CEP128: variants seen among roughly 807,000 people sequenced by gnomAD.
CEP128 encodes the protein centrosomal protein 128, also known as centrosomal protein 128kDa.
In CEP128, 132 loss-of-function variants were observed where a neutral mutation model predicts 156.7. That is an observed-to-expected ratio of 0.84 (90% CI 0.73 to 0.97). The LOEUF (loss-of-function observed/expected upper bound fraction) is 0.97, where lower values mean the gene tolerates loss of function less well. CEP128 is among the 50% of genes least tolerant of loss of function. CEP128 has a pLI of 0.00. For synonymous variants in CEP128, 469 were observed against 448.9 expected, an observed-to-expected ratio of 1.04 and a Z score of -0.57; for missense variants, 1,252 against 1,281.9, an observed-to-expected ratio of 0.98 and a Z score of 0.36.
At chr14:80,523,134 T>C (rs1216846625) in intron 23 of CEP128, among the ~76,000 whole-genome samples, 1 of 152,206 alleles carries the variant, frequency 6.6e-6, no homozygotes, top group Non-Finnish European at 1.5e-5. Context: ...TGTGGTCATG[T>C]TGGATGTTTC....
At chr14:80,876,405 G>C (rs1888284777) in intron 8 of CEP128, among the ~76,000 whole-genome samples, 1 of 152,044 alleles carries the variant, frequency 6.6e-6, no homozygotes, top group Non-Finnish European at 1.5e-5. Flanking sequence ...AGACCATCCT[G>C]GCTAACATGA....
chr14:80,687,252 G>A (rs1302504451), intron 19 of CEP128, among the ~76,000 whole-genome samples: 1 of 151,894 alleles, frequency 6.6e-6, no homozygotes, highest in African/African-American at 2.4e-5. Flanking sequence ...ATCAACAAAT[G>A]GTTCTACCAA....
chr14:80,534,102 T>C (rs1471743598), intron 21 of CEP128, among the ~76,000 whole-genome samples: 3 of 152,130 alleles, frequency 2.0e-5, no homozygotes, highest in Non-Finnish European at 2.9e-5. Context: ...AATTTCATGA[T>C]TAAGTGATAT....
intron 16 of CEP128, among the ~76,000 whole-genome samples, chr14:80,775,911 C>T (rs555597210): frequency 1.3e-5 from 2 of 152,130 alleles, no homozygotes; most frequent in Admixed American, 6.5e-5. Context: ...CGGCTCGCTG[C>T]GACTTTCCGC....
At position 80,632,686 on chromosome 14, in the gene CEP128, G is replaced by A. The variant is rs576717471; in HGVS notation, c.2807-52263C>T. Among the ~76,000 whole-genome samples the A allele has an allele frequency of 2.6e-5, 4 of 151,974 alleles. 1 individual carries two copies. Among genetic ancestry groups the A allele is most frequent in the African/African-American group, 9.6e-5 (4 of 41,454 alleles). ...TCTATTCTTCCATGAATGGGCATGT[G>A]GGTCATTTCCAATTACTCTGCAATT... On this transcript the variant is annotated intron_variant, in intron 19 of 24. Coordinates refer to ENST00000555265, the MANE Select transcript of CEP128 (RefSeq NM_152446.5).
intron 22 of CEP128, among the ~76,000 whole-genome samples, chr14:80,527,975 T>C (rs1940954947): frequency 6.6e-6 from 1 of 151,918 alleles, no homozygotes; most frequent in Admixed American, 6.6e-5. Flanking sequence ...AGGGAGAAAT[T>C]AGAAAAACAA....
intron 9 of CEP128, among the ~76,000 whole-genome samples, chr14:80,842,887 GCAA>G (rs1886409927): frequency 6.6e-6 from 1 of 151,932 alleles, no homozygotes; most frequent in South Asian, 2.1e-4. Context: ...GAAGATCACA[GCAA>G]CAACAATGAG....
intron 13 of CEP128, among the ~76,000 whole-genome samples, chr14:80,803,119 T>C (rs1373060608): frequency 6.6e-6 from 1 of 152,212 alleles, no homozygotes; most frequent in Non-Finnish European, 1.5e-5. Context: ...AGATAGCATA[T>C]TTCTGTGTTC....
chr14:80,657,710 T>G (rs995354022), intron 19 of CEP128, among the ~76,000 whole-genome samples: 3 of 152,080 alleles, frequency 2.0e-5, no homozygotes, highest in Non-Finnish European at 4.4e-5. Flanking sequence ...CTGTATTTAG[T>G]GTGTGATTTC....
chr14:80,945,597 C>T (rs540106576), upstream of CEP128: 1 of 152,246 alleles, frequency 6.6e-6, no homozygotes, highest in South Asian at 2.1e-4. Flanking sequence ...AGTAGAGAGA[C>T]ACCTGAGACA....
chr14:80,529,548 G>C (rs1285353696), intron 22 of CEP128, among the ~76,000 whole-genome samples: 2 of 152,116 alleles, frequency 1.3e-5, no homozygotes, highest in African/African-American at 4.8e-5. Context: ...TTTTATGCTG[G>C]TATAAGACAG....
chr14:80,791,450 A>T (rs1431734556), intron 14 of CEP128, among the ~76,000 whole-genome samples: 1 of 152,212 alleles, frequency 6.6e-6, no homozygotes, highest in Admixed American at 6.5e-5. Context: ...GAATTACTGT[A>T]TGATAACATG....
At chr14:80,714,746 C>T (rs1030639461) in intron 19 of CEP128, among the ~76,000 whole-genome samples, 2 of 151,550 alleles carry the variant, frequency 1.3e-5, no homozygotes, top group Non-Finnish European at 2.9e-5. Context: ...ATCCCATACC[C>T]GACAATAATA....
chr14:80,633,322 C>T lies in CEP128; in HGVS notation c.2807-52899G>A, dbSNP rs192681641. Among the ~76,000 whole-genome samples, 220 of 152,296 alleles carry T rather than the reference C, an allele frequency of 1.4e-3. 1 individual carries two copies. Among genetic ancestry groups the T allele is most frequent in the African/African-American group, 5.1e-3 (210 of 41,560 alleles). ...AGATAATATACATTGGCACAGGGGT[C>T]CGATATGTCAATAGTAATACTTTCC... On this transcript the variant is annotated intron_variant, in intron 19 of 24. Transcript: ENST00000555265.
At chr14:80,870,806 G>T (rs1304835015) in intron 8 of CEP128, among the ~76,000 whole-genome samples, 1 of 151,598 alleles carries the variant, frequency 6.6e-6, no homozygotes, top group African/African-American at 2.4e-5. Context: ...AAGTCAAATT[G>T]TCCCTGTTTT....
Position 80,761,591 on chromosome 14 carries a change from T to C in CEP128, c.2399A>G (p.Glu800Gly). 3 of 1,606,094 alleles carry C rather than the reference T, an allele frequency of 1.9e-6. No individual in the cohort carries two copies. Among genetic ancestry groups the C allele is most frequent in the Non-Finnish European group, 2.6e-6 (3 of 1,175,414 alleles). Residue 800 changes from glutamate (E) to glycine (G), a missense_variant, in exon 17 of 25, where the codon GAG (glutamate) becomes GGG (glycine). Transcript: ENST00000555265. ...CTCTTCCATCCTCCTTAAGTGCTCC[T>C]CTTCAATGCTTATATGTTTTTCCTA... is the stretch of plus-strand genomic sequence containing the variant. ...EEREKHISIE[E>G]EHLRRMEEAR...
At chr14:80,677,093 T>A (rs1176462617) in intron 19 of CEP128, among the ~76,000 whole-genome samples, 2 of 152,306 alleles carry the variant, frequency 1.3e-5, no homozygotes, top group East Asian at 3.9e-4. Flanking sequence ...CATCCCATGA[T>A]GTATAAAAAG....
chr14:80,927,085 G>A (rs2139563628), intron 2 of CEP128, among the ~76,000 whole-genome samples: 1 of 152,318 alleles, frequency 6.6e-6, no homozygotes, highest in Admixed American at 6.5e-5. Context: ...GCCCCACTAG[G>A]TGGCTAGACC....
At chr14:80,790,402 TAAAAG>T (rs1299519089) in intron 14 of CEP128, among the ~76,000 whole-genome samples, 1 of 152,100 alleles carries the variant, frequency 6.6e-6, no homozygotes, top group Non-Finnish European at 1.5e-5. Context: ...AACAGTACCT[TAAAAG>T]AAAAAGAGAA....
Sources: allele counts gnomAD v4.1 joint callset (sites outside exome capture counted in the v4.1 genomes callset), GRCh38; gene constraint gnomAD v4.1.1; transcripts MANE v1.5; gene names NCBI Gene and HGNC (gene_info 2026-07-23, HGNC 2026-07-21).